KAZN: variants seen among roughly 807,000 people sequenced by gnomAD.
The protein encoded by KAZN is kazrin, periplakin interacting protein.
KAZN carries 40 observed loss-of-function variants against 87.4 expected under a neutral mutation model. That is an observed-to-expected ratio of 0.46 (90% CI 0.36 to 0.60). KAZN has a LOEUF of 0.60. Ranked by LOEUF, KAZN falls within the 20% of genes least tolerant of loss-of-function variation. The pLI, the probability that KAZN is intolerant of heterozygous loss-of-function variation, is 0.00. For missense variants in KAZN, 898 were observed against 1,073.9 expected, an observed-to-expected ratio of 0.84 and a Z score of 2.29; for synonymous variants, 466 against 458.3, an observed-to-expected ratio of 1.02 and a Z score of -0.22.
At chr1:14,356,785 A>G (rs919160294) in intron 2 of KAZN, among the ~76,000 whole-genome samples, 3 of 152,012 alleles carry the variant, frequency 2.0e-5, no homozygotes, top group Admixed American at 6.6e-5. Context: ...ATTGGTCTAT[A>G]TATCTGTTTG....
At chr1:14,793,946 G>A (rs1645755941) in intron 1 of KAZN, among the ~76,000 whole-genome samples, 1 of 152,186 alleles carries the variant, frequency 6.6e-6, no homozygotes, top group Admixed American at 6.5e-5. Flanking sequence ...ACAGCCCGCA[G>A]CCTCCACCTG....
rs142921144 is a variant in KAZN, at chr1:14,413,014, A to C, written c.250-185969A>C. On this transcript the variant is annotated intron_variant, in intron 2 of 16. Transcript: ENST00000636203. Reference sequence around the variant, plus strand: ...AACACATATATAAATATATATAATAAGTTATTTGTATTTATATATTACATA... The same window carrying C: ...AACACATATATAAATATATATAATACGTTATTTGTATTTATATATTACATA... Among the ~76,000 whole-genome samples, 731 of 148,638 alleles carry C rather than the reference A, an allele frequency of 4.9e-3. 7 individuals are homozygous for C. Among genetic ancestry groups the C allele is most frequent in the African/African-American group, 0.017 (686 of 40,960 alleles).
intron 2 of KAZN, among the ~76,000 whole-genome samples, chr1:14,344,946 A>T (rs1408245795): frequency 1.4e-5 from 2 of 145,712 alleles, no homozygotes; most frequent in East Asian, 4.0e-4. Context: ...TGAGATGGAG[A>T]CTGGTTCTGT....
chr1:14,955,131 G>A (rs1346140224), intron 1 of KAZN, among the ~76,000 whole-genome samples: 1 of 152,138 alleles, frequency 6.6e-6, no homozygotes, highest in Non-Finnish European at 1.5e-5. Flanking sequence ...ACCGGCCCAA[G>A]GTCACACAGC....
At chr1:14,096,160 TATA>T (rs1351930436) in intron 1 of KAZN, among the ~76,000 whole-genome samples, 3 of 152,224 alleles carry the variant, frequency 2.0e-5, no homozygotes, top group Non-Finnish European at 2.9e-5. Flanking sequence ...GTGTTATTTT[TATA>T]ATAATTATAT....
chr1:14,031,422 A>G (rs1334305515), intron 1 of KAZN, among the ~76,000 whole-genome samples: 1 of 152,228 alleles, frequency 6.6e-6, no homozygotes, highest in Non-Finnish European at 1.5e-5. Context: ...GTTGCGGGCA[A>G]CCAGCACTGA....
intron 1 of KAZN, among the ~76,000 whole-genome samples, chr1:13,956,714 G>A (rs527480858): frequency 3.9e-5 from 6 of 152,006 alleles, no homozygotes; most frequent in Non-Finnish European, 8.8e-5. Flanking sequence ...CCACTATTTT[G>A]TTGTTGGGAA....
chr1:13,946,969 G>A (rs1031160133), intron 1 of KAZN, among the ~76,000 whole-genome samples: 1 of 152,162 alleles, frequency 6.6e-6, no homozygotes, highest in Non-Finnish European at 1.5e-5. Flanking sequence ...TCTCTCTGGA[G>A]GCTTGGGGGG....
chr1:14,354,749 T>C (rs1658871346), intron 2 of KAZN, among the ~76,000 whole-genome samples: 1 of 151,520 alleles, frequency 6.6e-6, no homozygotes, highest in South Asian at 2.1e-4. Context: ...ACCCATATAT[T>C]GTTGGTGGGA....
At chr1:14,762,481 TTTGGGAGGCCGAG>T (rs58100382) in intron 1 of KAZN, among the ~76,000 whole-genome samples, 62,326 of 151,556 alleles carry the variant, frequency 0.41, 13,332 homozygotes, top group Non-Finnish European at 0.48. Context: ...ATCCCAGCAC[TTTGGGAGGCCGAG>T]GTGGGAGGAT....
In KAZN at chr1:14,985,709, A is replaced by ATCAT. The variant is rs541471544; in HGVS notation, c.418+24834_418+24835insTCAT. Among the ~76,000 whole-genome samples the ATCAT allele has an allele frequency of 3.1e-3, 469 of 152,282 alleles. 4 individuals carry two copies. The highest frequency in any genetic ancestry group is 5.4e-3 in the Non-Finnish European group (365 of 68,036). Reference sequence around the variant, plus strand: ...TCTTCCAAAACTTCCATGTCATGAAAGACCCACAGAAGTGCCAGGCACGGT... The same window carrying ATCAT: ...TCTTCCAAAACTTCCATGTCATGAAATCATGACCCACAGAAGTGCCAGGCACGGT... On this transcript the variant is annotated intron_variant, in intron 2 of 14. Coordinates refer to ENST00000376030, the MANE Select transcript of KAZN (RefSeq NM_201628.3).
At chr1:15,034,968 T>C in intron 3 of KAZN, 83 bp downstream of exon 3, 1 of 1,529,432 alleles carries the variant, frequency 6.5e-7, no homozygotes, top group East Asian at 2.3e-5. Context: ...TCACAGGCTC[T>C]GCCTCTTGAA....
At chr1:14,580,769 A>C (rs940981414) in intron 2 of KAZN, among the ~76,000 whole-genome samples, 4 of 152,188 alleles carry the variant, frequency 2.6e-5, no homozygotes, top group African/African-American at 9.7e-5. Flanking sequence ...CCCTTCTTGC[A>C]GTCACCTTTG....
chr1:14,133,866 A>G (rs745360479), intron 1 of KAZN, among the ~76,000 whole-genome samples: 4 of 152,220 alleles, frequency 2.6e-5, no homozygotes, highest in Non-Finnish European at 5.9e-5. Flanking sequence ...CAAGAAAAGC[A>G]TGAGATGACC....
intron 8 of KAZN, among the ~76,000 whole-genome samples, chr1:15,087,772 T>C (rs1372396060): frequency 6.6e-6 from 1 of 152,204 alleles, no homozygotes; most frequent in African/African-American, 2.4e-5. Context: ...GACAGAGCAG[T>C]CTGGACAGTA....
intron 1 of KAZN, among the ~76,000 whole-genome samples, chr1:14,112,986 A>G (rs988683653): frequency 6.6e-6 from 1 of 152,216 alleles, no homozygotes; most frequent in African/African-American, 2.4e-5. Flanking sequence ...TTGATGGGCA[A>G]AGACTTTGCC....
chr1:14,922,846 A>C (rs1658683360), intron 1 of KAZN, among the ~76,000 whole-genome samples: 1 of 150,436 alleles, frequency 6.6e-6, no homozygotes, highest in Admixed American at 6.6e-5. Flanking sequence ...GTTCTAAGGC[A>C]GCCTCCGCAG....
rs565135873 is a variant in KAZN, at chr1:14,315,025, A to G, written c.249+134433A>G. 4.2e-3 allele frequency among the ~76,000 whole-genome samples: 639 copies of G among 152,292 alleles called. 6 individuals are homozygous for G. Among genetic ancestry groups the G allele is most frequent in the South Asian group, 0.015 (70 of 4,826 alleles). On this transcript the variant is annotated intron_variant, in intron 2 of 16. Transcript: ENST00000636203. ...TTCATTCCTTTATGTTGCTGAATACATGCCATTCTATGGATATACCACATT... is the reference window on the plus strand; with the variant it reads ...TTCATTCCTTTATGTTGCTGAATACGTGCCATTCTATGGATATACCACATT...
intron 2 of KAZN, among the ~76,000 whole-genome samples, chr1:14,401,069 T>A (rs1309559032): frequency 6.6e-6 from 1 of 152,182 alleles, no homozygotes; most frequent in Non-Finnish European, 1.5e-5. Flanking sequence ...GGTCTGAGGC[T>A]GCCAGGGAGA....
Sources: gnomAD v4.1 joint callset for allele counts (sites outside exome capture counted in the v4.1 genomes callset) on GRCh38, gnomAD v4.1.1 for gene constraint, MANE v1.5 for transcripts, NCBI Gene and HGNC (gene_info 2026-07-23, HGNC 2026-07-21) for gene names.